Variants in SLC39A11 observed in about 807,000 individuals in gnomAD.
SLC39A11 encodes zinc transporter ZIP11.
A neutral mutation model predicts 36.1 loss-of-function variants in SLC39A11; 33 were observed. The ratio of observed to expected loss-of-function variants is 0.91; its 90% CI spans 0.69 to 1.22. The LOEUF is 1.22. Among genes scored for constraint, SLC39A11 ranks in the 50% most tolerant of loss-of-function variants. The pLI, the probability that SLC39A11 is intolerant of heterozygous loss-of-function variation, is 0.00. For missense variants in SLC39A11, 432 were observed against 430.3 expected (o/e 1.00, Z -0.03); for synonymous variants, 166 against 170.3 (o/e 0.97, Z 0.20).
At chr17:72,964,949 G>T (rs189762682) in intron 4 of SLC39A11, among the ~76,000 whole-genome samples, 1 of 152,302 alleles carries the variant, frequency 6.6e-6, no homozygotes, top group East Asian at 1.9e-4. Context: ...CATGTCCTTT[G>T]TACGGACACG....
At chr17:72,855,412 C>A (rs1332907759) in intron 5 of SLC39A11, among the ~76,000 whole-genome samples, 1 of 152,090 alleles carries the variant, frequency 6.6e-6, no homozygotes, top group Non-Finnish European at 1.5e-5. Flanking sequence ...TAACAACATT[C>A]CCATGGTATT....
intron 5 of SLC39A11, among the ~76,000 whole-genome samples, chr17:72,889,735 A>G (rs1004925086): frequency 6.6e-6 from 1 of 152,170 alleles, no homozygotes; most frequent in Non-Finnish European, 1.5e-5. Context: ...CATAATCTGC[A>G]TGATACTGTC....
At chr17:72,922,960 C>CAAAAAAAA (rs10645750) in intron 5 of SLC39A11, among the ~76,000 whole-genome samples, 20 of 44,072 alleles carry the variant, frequency 4.5e-4, no homozygotes, top group South Asian at 1.2e-3. Flanking sequence ...GACTCCTTCT[C>CAAAAAAAA]AAAAAAAAAA....
At chr17:72,799,455 A>G (rs770842485) in intron 6 of SLC39A11, among the ~76,000 whole-genome samples, 6 of 152,188 alleles carry the variant, frequency 3.9e-5, no homozygotes, top group Non-Finnish European at 7.3e-5. Context: ...AAAAAAAGCC[A>G]TATTTTTCTT....
intron 5 of SLC39A11, among the ~76,000 whole-genome samples, chr17:72,929,008 G>GTAGCCAGGGGTGA (rs1465908878): frequency 1.3e-5 from 2 of 152,202 alleles, no homozygotes; most frequent in African/African-American, 4.8e-5. Context: ...GCAACAGTCT[G>GTAGCCAGGGGTGA]TAGCCAGGGG....
At chr17:72,754,065 C>T (rs868767058) in intron 6 of SLC39A11, among the ~76,000 whole-genome samples, 2,181 of 147,548 alleles carry the variant, frequency 0.015, 77 homozygotes, top group African/African-American at 0.052. Flanking sequence ...CACACACACA[C>T]ACACACACAC....
intron 6 of SLC39A11, among the ~76,000 whole-genome samples, chr17:72,766,732 A>G (rs1400467369): frequency 2.0e-5 from 3 of 152,168 alleles, no homozygotes; most frequent in African/African-American, 7.2e-5. Context: ...CTCTTTTACT[A>G]GTGACAAAGC....
intron 3 of SLC39A11, among the ~76,000 whole-genome samples, chr17:73,083,633 C>T (rs2144795115): frequency 6.6e-6 from 1 of 152,062 alleles, no homozygotes; most frequent in Non-Finnish European, 1.5e-5. Flanking sequence ...GACTGAGGAA[C>T]AAGTTAGGCA....
intron 3 of SLC39A11, among the ~76,000 whole-genome samples, chr17:73,059,882 G>C (rs1452749171): frequency 6.6e-6 from 1 of 152,058 alleles, no homozygotes; most frequent in Non-Finnish European, 1.5e-5. Context: ...AAGGTTGTAG[G>C]AGGTTTGTGG....
At chr17:72,918,836 G>A (rs933109492) in intron 5 of SLC39A11, among the ~76,000 whole-genome samples, 3 of 152,178 alleles carry the variant, frequency 2.0e-5, no homozygotes, top group Admixed American at 2.0e-4. Context: ...GTTGAGGTGG[G>A]TAGATCACTT....
Position 72,836,860 on chromosome 17 carries a change from C to T in SLC39A11, c.601+12774G>A, listed in dbSNP as rs577337773. On this transcript the variant is annotated intron_variant, in intron 6 of 9. Transcript: ENST00000255559. ...TCCTCATTAACTGAGCCTGAGTCGC[C>T]GGCTACTGAGAAGGCCCCTCCAGTT... Among the ~76,000 whole-genome samples, 16 of 152,208 alleles carry T rather than the reference C, an allele frequency of 1.1e-4. No individual in the cohort carries two copies. The South Asian group carries it at 1.5e-3, about 14-fold the overall frequency.
intron 7 of SLC39A11, among the ~76,000 whole-genome samples, chr17:72,714,867 C>T (rs999053184): frequency 2.6e-5 from 4 of 152,204 alleles, no homozygotes; most frequent in African/African-American, 9.6e-5. Context: ...AGGAACGTGG[C>T]CGTACTTGTG....
chr17:72,743,747 G>A (rs2074815990), intron 6 of SLC39A11, among the ~76,000 whole-genome samples: 1 of 152,120 alleles, frequency 6.6e-6, no homozygotes, highest in Non-Finnish European at 1.5e-5. Context: ...AGAACTCACT[G>A]GGGGGAAAAG....
intron 3 of SLC39A11, among the ~76,000 whole-genome samples, chr17:73,079,641 G>A (rs2060449726): frequency 6.6e-6 from 1 of 152,088 alleles, no homozygotes; most frequent in Non-Finnish European, 1.5e-5. Flanking sequence ...AGAAGTCCCA[G>A]CCACAGCAAT....
intron 2 of SLC39A11, among the ~76,000 whole-genome samples, chr17:73,087,627 A>G (rs1411079878): frequency 2.6e-5 from 4 of 151,996 alleles, no homozygotes; most frequent in Non-Finnish European, 4.4e-5. Context: ...GCATATGGGT[A>G]TGGGTATGTG....
At chr17:73,076,548 T>C (rs544679784) in intron 3 of SLC39A11, among the ~76,000 whole-genome samples, 1 of 152,334 alleles carries the variant, frequency 6.6e-6, no homozygotes, top group Admixed American at 6.5e-5. Flanking sequence ...TGTGTAGACA[T>C]CTGTGCAAGG....
intron 4 of SLC39A11, among the ~76,000 whole-genome samples, chr17:73,006,081 T>A (rs1183176313): frequency 1.3e-5 from 2 of 152,140 alleles, no homozygotes; most frequent in Non-Finnish European, 2.9e-5. Flanking sequence ...TGTGAGTCAT[T>A]GTCACGACAT....
intron 7 of SLC39A11, among the ~76,000 whole-genome samples, chr17:72,686,587 AG>A (rs142042628): frequency 0.27 from 40,461 of 151,882 alleles, 5,465 homozygotes; most frequent in Middle Eastern, 0.3. Context: ...CTGTCCAGTG[AG>A]GGGGCTGAGT....
chr17:72,677,162 T>C (rs1412360531), intron 7 of SLC39A11, among the ~76,000 whole-genome samples: 1 of 152,156 alleles, frequency 6.6e-6, no homozygotes, highest in Non-Finnish European at 1.5e-5. Flanking sequence ...GGGAAGCCTC[T>C]CTCAGAACCC....
Sources: allele counts gnomAD v4.1 joint callset (sites outside exome capture counted in the v4.1 genomes callset), GRCh38; gene constraint gnomAD v4.1.1; transcripts MANE v1.5; gene names NCBI Gene and HGNC (gene_info 2026-07-23, HGNC 2026-07-21).